TRPM3: variants seen among roughly 807,000 people sequenced by gnomAD.
TRPM3 encodes the protein long transient receptor potential channel 3.
TRPM3 carries 77 observed loss-of-function variants against 181.2 expected under a neutral mutation model. The ratio of observed to expected loss-of-function variants is 0.42; its 90% CI spans 0.35 to 0.51. The LOEUF is 0.51. TRPM3 is among the 20% of genes least tolerant of loss of function. The pLI is 0.01. For missense variants in TRPM3, 1,759 were observed against 2,196.7 expected, an observed-to-expected ratio of 0.80 and a Z score of 3.98; for synonymous variants, 745 against 796.4, an observed-to-expected ratio of 0.94 and a Z score of 1.09.
At chr9:71,314,569 G>A (rs1365261550) in intron 1 of TRPM3, among the ~76,000 whole-genome samples, 1 of 152,128 alleles carries the variant, frequency 6.6e-6, no homozygotes, top group African/African-American at 2.4e-5. Flanking sequence ...GCGTTGACAA[G>A]ACAGGGAGAA....
intron 25 of TRPM3, among the ~76,000 whole-genome samples, chr9:70,543,140 T>A (rs986975044): frequency 1.9e-4 from 29 of 152,218 alleles, no homozygotes; most frequent in Admixed American, 1.8e-3. Flanking sequence ...TCCTAAGTCA[T>A]TTCTCTCTGC....
intron 1 of TRPM3, among the ~76,000 whole-genome samples, chr9:71,104,981 C>A (rs905567133): frequency 2.0e-5 from 3 of 152,116 alleles, no homozygotes; most frequent in Admixed American, 1.3e-4. Context: ...CAATTCTATT[C>A]CTAGGTATAT....
At chr9:70,887,515 A>G (rs913505550) in intron 1 of TRPM3, among the ~76,000 whole-genome samples, 18 of 152,216 alleles carry the variant, frequency 1.2e-4, no homozygotes, top group Non-Finnish European at 2.5e-4. Flanking sequence ...TTATGCTATG[A>G]TATTTATGCC....
upstream of TRPM3, among the ~76,000 whole-genome samples, chr9:71,124,268 GA>G (rs1223337030): frequency 6.7e-6 from 1 of 148,438 alleles, no homozygotes; most frequent in East Asian, 2.0e-4. Context: ...TTTTCACATA[GA>G]AGATGCCTTC....
At chr9:71,315,456 C>T (rs551636719) in intron 1 of TRPM3, among the ~76,000 whole-genome samples, 2 of 152,176 alleles carry the variant, frequency 1.3e-5, no homozygotes, top group African/African-American at 4.8e-5. Flanking sequence ...TCCCATGACA[C>T]GAACTTATCT....
intron 6 of TRPM3, chr9:70,826,750 C>T (rs1588910460): frequency 6.6e-6 from 1 of 152,360 alleles, no homozygotes; most frequent in South Asian, 2.1e-4. Flanking sequence ...CAAAGGGAAT[C>T]TTTTGTTCTT....
Position 71,142,152 on chromosome 9 carries a change from C to A in TRPM3, c.184-277641G>T, listed in dbSNP as rs148349705. 3.0e-3 allele frequency among the ~76,000 whole-genome samples: 459 copies of A among 152,208 alleles called. 2 individuals are homozygous for A. The highest frequency in any genetic ancestry group is 5.1e-3 in the Non-Finnish European group (350 of 68,004). ...CAAGAGGGTAGAATTTATCTCATCC[C>A]TTGTTTGTAACACTAGACTAAACTT... On this transcript the variant is annotated intron_variant, in intron 1 of 24. Coordinates refer to the TRPM3 transcript ENST00000357533.
intron 1 of TRPM3, among the ~76,000 whole-genome samples, chr9:71,308,434 T>C (rs971173452): frequency 5.3e-5 from 8 of 152,196 alleles, no homozygotes; most frequent in African/African-American, 1.9e-4. Flanking sequence ...AATTTGTGAT[T>C]ACTACATTTA....
chr9:70,923,828 CTATA>C (rs1256813268), intron 1 of TRPM3, among the ~76,000 whole-genome samples: 8,413 of 136,040 alleles, frequency 0.062, 356 homozygotes, highest in Middle Eastern at 0.091. Flanking sequence ...CTCTCTCTCT[CTATA>C]TATATATATA....
intron 1 of TRPM3, among the ~76,000 whole-genome samples, chr9:71,221,689 T>C (rs1337987900): frequency 6.6e-6 from 1 of 152,060 alleles, no homozygotes; most frequent in Non-Finnish European, 1.5e-5. Flanking sequence ...AGGAGAGAAG[T>C]GGTAATAAGA....
At chr9:71,073,197 C>T (rs943026231) in intron 1 of TRPM3, among the ~76,000 whole-genome samples, 3 of 152,046 alleles carry the variant, frequency 2.0e-5, no homozygotes, top group Non-Finnish European at 2.9e-5. Flanking sequence ...ACTAAAACTT[C>T]GAACAGAAGA....
At chr9:70,776,089 C>A in intron 7 of TRPM3, 1 of 196,164 alleles carries the variant, frequency 5.1e-6, no homozygotes, top group Non-Finnish European at 1.0e-5. Flanking sequence ...TTTCACAAGC[C>A]CTCTGGGTGA....
rs979335818 is a variant in TRPM3 at position 70,861,434 on chromosome 9, T to C, written c.462+1474A>G. ...AGTGGAAATGATGACCAGAGGCTTA[T>C]CATATGCCTACTGGGCTAATGACAC... is the stretch of plus-strand genomic sequence containing the variant. On this transcript the variant is annotated intron_variant, in intron 3 of 25. Coordinates refer to ENST00000677713, the MANE Select transcript of TRPM3 (RefSeq NM_001366145.2). Among the ~76,000 whole-genome samples the C allele has an allele frequency of 5.9e-5, 9 of 152,166 alleles. No homozygotes were observed. In the South Asian group the frequency reaches 1.0e-3, roughly 17 times the overall value.
intron 1 of TRPM3, among the ~76,000 whole-genome samples, chr9:71,256,733 C>T (rs2082698163): frequency 6.6e-6 from 1 of 152,056 alleles, no homozygotes; most frequent in Non-Finnish European, 1.5e-5. Context: ...TCTGCAAGAA[C>T]AGATGCCACG....
At chr9:71,096,624 T>TCTCTCTCC (rs1397956274) in intron 1 of TRPM3, among the ~76,000 whole-genome samples, 2 of 142,320 alleles carry the variant, frequency 1.4e-5, no homozygotes, top group African/African-American at 5.2e-5. Flanking sequence ...TCTCTCTCTC[T>TCTCTCTCC]CCCCCTCTCC....
At chr9:71,049,838 A>G (rs2059869687) in intron 1 of TRPM3, among the ~76,000 whole-genome samples, 1 of 152,148 alleles carries the variant, frequency 6.6e-6, no homozygotes, top group South Asian at 2.1e-4. Flanking sequence ...TAAGTTTGGG[A>G]AAGTTCCCTT....
intron 1 of TRPM3, among the ~76,000 whole-genome samples, chr9:71,174,523 A>G (rs372635574): frequency 7.9e-5 from 12 of 152,152 alleles, no homozygotes; most frequent in Non-Finnish European, 8.8e-5. Flanking sequence ...CCTGGGCAAC[A>G]GAGTTGAGAC....
intron 1 of TRPM3, among the ~76,000 whole-genome samples, chr9:70,908,204 GA>G (rs1177687416): frequency 1.3e-5 from 2 of 152,156 alleles, no homozygotes; most frequent in Admixed American, 1.3e-4. Context: ...AGGCTCCCAG[GA>G]ACCTGTGTAT....
intron 8 of TRPM3, among the ~76,000 whole-genome samples, chr9:70,697,729 G>A (rs1297700806): frequency 6.6e-6 from 1 of 152,152 alleles, no homozygotes. Context: ...TACTTGTGAG[G>A]AAGTTTCAAG....
Sources: gnomAD v4.1 joint callset for allele counts (sites outside exome capture counted in the v4.1 genomes callset) on GRCh38, gnomAD v4.1.1 for gene constraint, MANE v1.5 for transcripts, NCBI Gene and HGNC (gene_info 2026-07-23, HGNC 2026-07-21) for gene names.